The following SLC15A2 variants were observed in gnomAD, a reference collection of about 807,000 sequenced individuals.
SLC15A2 encodes the protein kidney H(+)/peptide cotransporter.
In SLC15A2, 77 loss-of-function variants were observed where a neutral mutation model predicts 95.5. That is an observed-to-expected ratio of 0.81 (90% confidence interval 0.67 to 0.97). The LOEUF (loss-of-function observed/expected upper bound fraction) is 0.97. SLC15A2 is among the 50% of genes least tolerant of loss of function. The pLI is 0.00. For missense variants in SLC15A2, 893 were observed against 874.4 expected, an observed-to-expected ratio of 1.02 and a Z score of -0.27; for synonymous variants, 306 against 306.9, an observed-to-expected ratio of 1.00 and a Z score of 0.03.
intron 1 of SLC15A2, among the ~76,000 whole-genome samples, chr3:121,895,011 T>A (rs1709391228): frequency 6.6e-6 from 1 of 152,210 alleles, no homozygotes; most frequent in African/African-American, 2.4e-5. Flanking sequence ...CCAATTTCTG[T>A]TACTATGTGT....
chr3:121,933,544 G>T (rs1710275362), intron 19 of SLC15A2, among the ~76,000 whole-genome samples: 1 of 151,788 alleles, frequency 6.6e-6, no homozygotes, highest in South Asian at 2.1e-4. Flanking sequence ...GTGTTTTTTG[G>T]CTGCATAAAT....
At chr3:121,939,228 C>A in intron 19 of SLC15A2, 121 bp from the exon 20 acceptor site, 1 of 830,148 alleles carries the variant, frequency 1.2e-6, no homozygotes, top group Non-Finnish European at 1.7e-6. Context: ...TGCTCAATTT[C>A]CTGAAAATGG....
intron 4 of SLC15A2, among the ~76,000 whole-genome samples, chr3:121,911,981 TA>T (rs1270802382): frequency 6.6e-6 from 1 of 152,242 alleles, no homozygotes; most frequent in African/African-American, 2.4e-5. Flanking sequence ...AAAAAAACTC[TA>T]TAATGTTTCC....
At position 121,913,059 on chromosome 3, in the gene SLC15A2, G is replaced by A. The variant is rs765622829; in HGVS notation, c.467G>A (p.Gly156Glu). The A allele has an allele frequency of 6.2e-7, 1 of 1,613,678 alleles. No homozygotes were observed. Among genetic ancestry groups the A allele is most frequent in the South Asian group, 1.1e-5 (1 of 91,018 alleles). ...SLIGLSLIALGTGGIKPCVAA... is the reference protein window; with the variant it reads ...SLIGLSLIALETGGIKPCVAA... ...ATCGGCCTGAGTCTAATAGCTTTGGGGACAGGAGGCATCAAACCCTGTGTG... is the reference window on the plus strand; with the variant it reads ...ATCGGCCTGAGTCTAATAGCTTTGGAGACAGGAGGCATCAAACCCTGTGTG... The change falls in exon 5 of 22, where the codon GGG becomes GAG. Residue 156 changes from glycine to glutamate, a missense_variant. Gly to Glu is a moderately conservative substitution (Grantham distance 98). Coordinates refer to ENST00000489711, the MANE Select transcript of SLC15A2 (RefSeq NM_021082.4).
rs140899544 is a variant in SLC15A2 at position 121,923,041 on chromosome 3, A to G, written c.869A>G (p.Lys290Arg). 99 of 1,613,782 alleles carry G rather than the reference A, an allele frequency of 6.1e-5. No individual in the cohort carries two copies. In the African/African-American group the frequency reaches 1.0e-3, roughly 16 times the overall value. The change falls in exon 10 of 22, where the codon AAG (lysine) becomes AGG (arginine). Residue 290 changes from lysine (K) to arginine (R), a missense_variant and splice_region_variant. Physicochemically the swap from Lys to Arg is conservative, Grantham distance 26 (BLOSUM62 2). Transcript: ENST00000489711. ...GCCCATTCTTCCTCCTTTTCGCAGA[A>G]GCAGCTCATTATGGATGTAAAGGCA... ...WLDWAAEKYP[K>R]QLIMDVKALT...
intron 3 of SLC15A2, among the ~76,000 whole-genome samples, chr3:121,903,632 G>C (rs976839397): frequency 4.6e-5 from 7 of 152,020 alleles, no homozygotes; most frequent in Non-Finnish European, 5.9e-5. Flanking sequence ...GCTTGTTTTT[G>C]TCAGGTTTGT....
rs1453033186 is a variant in SLC15A2 at position 121,939,315 on chromosome 3, T to C, written c.1762-34T>C. 3.5e-6 allele frequency: 5 copies of C among 1,447,864 alleles called. No individual in the cohort carries two copies. In the East Asian group the frequency reaches 1.0e-4, roughly 30 times the overall value. The allele number at this position is 1,447,864 out of a possible 1,614,324, so 89.7% of individuals were successfully genotyped here. A position where few individuals can be genotyped will look rare whatever the true frequency, so the allele number is the denominator to read the frequency against. ...GTTAGAAATATTTACTTGAGACTAC[T>C]GACAAGTCCATTTCCATTTTCTCTT... On this transcript the variant is annotated intron_variant, in intron 19 of 21. Transcript: ENST00000489711.
intron 17 of SLC15A2, among the ~76,000 whole-genome samples, chr3:121,929,718 C>A (rs1710195229): frequency 6.6e-6 from 1 of 152,026 alleles, no homozygotes; most frequent in South Asian, 2.1e-4. Flanking sequence ...GAATATATAT[C>A]TTTTAAAGTA....
At chr3:121,916,125 C>G (rs547442738) in intron 7 of SLC15A2, among the ~76,000 whole-genome samples, 2 of 152,296 alleles carry the variant, frequency 1.3e-5, no homozygotes, top group South Asian at 4.1e-4. Flanking sequence ...TTTAAATTCT[C>G]CAAGCCTTTT....
At position 121,941,299 on chromosome 3, in the gene SLC15A2, C is replaced by T. The variant is rs2107616439; in HGVS notation, c.*292C>T. On this transcript the variant is annotated 3_prime_UTR_variant, in exon 22 of 22. Transcript: ENST00000489711. ...ATACACACGTATAATGGAGATCATTCTCTGTGGGTATGCAAAGTTATGGGA... is the reference window on the plus strand; with the variant it reads ...ATACACACGTATAATGGAGATCATTTTCTGTGGGTATGCAAAGTTATGGGA... The T allele has an allele frequency of 4.1e-6, 1 of 242,700 alleles. No homozygotes were observed. Among genetic ancestry groups the T allele is most frequent in the East Asian group, 7.7e-5 (1 of 12,958 alleles). 15.0% of individuals were successfully genotyped at this position (242,700 alleles called of 1,614,324 possible).
intron 14 of SLC15A2, among the ~76,000 whole-genome samples, chr3:121,928,084 A>G (rs1028681023): frequency 1.3e-5 from 2 of 152,246 alleles, no homozygotes; most frequent in African/African-American, 2.4e-5. Context: ...AATATCCAAG[A>G]GAGCCCTCTC....
At chr3:121,931,756 T>G (rs1346089380) in intron 19 of SLC15A2, 21 bp downstream of exon 19, 2 of 1,375,880 alleles carry the variant, frequency 1.5e-6, no homozygotes, top group Non-Finnish European at 2.1e-6. Flanking sequence ...CACAGCCACC[T>G]CTTTACCCTC....
chr3:121,908,122 G>T (rs566752570), intron 3 of SLC15A2, among the ~76,000 whole-genome samples: 1 of 152,202 alleles, frequency 6.6e-6, no homozygotes, highest in Admixed American at 6.5e-5. Flanking sequence ...CTGCTGCCTC[G>T]TGGGTCGATC....
chr3:121,938,624 C>A (rs982549436), intron 19 of SLC15A2, among the ~76,000 whole-genome samples: 3 of 152,364 alleles, frequency 2.0e-5, no homozygotes, highest in Non-Finnish European at 4.4e-5. Flanking sequence ...TGCTTTGGCT[C>A]GCACACGGTG....
chr3:121,894,550 G>A lies in SLC15A2; in HGVS notation c.74G>A (p.Arg25Gln), dbSNP rs774703716. The change falls in exon 1 of 22, where the codon CGA becomes CAA. Residue 25 changes from arginine to glutamine, a missense_variant. Transcript: ENST00000489711. Reference sequence around the variant, plus strand: ...GTCTCCATTGAAGAGGTACCACCTCGACCACCTAGCCCTCCAAAGAAGCCA... The same window carrying A: ...GTCTCCATTGAAGAGGTACCACCTCAACCACCTAGCCCTCCAAAGAAGCCA... ...SPVSIEEVPP[R>Q]PPSPPKKPSP... 3.1e-6 allele frequency: 5 copies of A among 1,613,840 alleles called. No individual in the cohort carries two copies. Among genetic ancestry groups the A allele is most frequent in the Non-Finnish European group, 3.4e-6 (4 of 1,179,890 alleles).
rs576332834 is a variant in SLC15A2 at position 121,931,097 on chromosome 3, T to A, written c.1664+147T>A. ...TGATCTTTTCCAACTCTTGCTTCCT[T>A]CCCTCAGTCTCACTTTTTTTCTGCA... On this transcript the variant is annotated intron_variant, in intron 18 of 21. Coordinates refer to ENST00000489711, the MANE Select transcript of SLC15A2 (RefSeq NM_021082.4). 10 of 603,296 alleles carry A rather than the reference T, an allele frequency of 1.7e-5. No homozygotes were observed. In the East Asian group the frequency reaches 2.5e-4, roughly 15 times the overall value. The allele number at this position is 603,296 out of a possible 1,614,324, so 37.4% of individuals were successfully genotyped here.
intron 12 of SLC15A2, 89 bp downstream of exon 12, chr3:121,924,472 A>C: frequency 8.4e-7 from 1 of 1,187,738 alleles, no homozygotes; most frequent in Admixed American, 1.8e-5. Flanking sequence ...CCATAATTTG[A>C]TGCTTTTCTC....
At chr3:121,897,570 G>A in intron 3 of SLC15A2, 41 bp downstream of exon 3, 1 of 1,608,878 alleles carries the variant, frequency 6.2e-7, no homozygotes, top group Non-Finnish European at 8.5e-7. Context: ...AGTTTCACAG[G>A]TTGTGCAGAA....
intron 19 of SLC15A2, among the ~76,000 whole-genome samples, chr3:121,932,472 A>C (rs1209928716): frequency 1.3e-5 from 2 of 152,172 alleles, no homozygotes; most frequent in African/African-American, 4.8e-5. Flanking sequence ...TGAAATACTG[A>C]AACTGATAAT....
Sources: gnomAD v4.1 joint callset for allele counts (sites outside exome capture counted in the v4.1 genomes callset) on GRCh38, gnomAD v4.1.1 for gene constraint, MANE v1.5 for transcripts, NCBI Gene and HGNC (gene_info 2026-07-23, HGNC 2026-07-21) for gene names.